Variants in ZEB1 observed in about 807,000 individuals in gnomAD.
The protein encoded by ZEB1 is zinc finger E-box binding homeobox 1.
ZEB1 carries 21 observed loss-of-function variants against 84.9 expected under a neutral mutation model. The observed-to-expected ratio is 0.25, with a 90% CI of 0.18 to 0.36. The LOEUF (loss-of-function observed/expected upper bound fraction) is 0.36. Among genes scored for constraint, ZEB1 ranks in the 10% least tolerant of loss-of-function variants. The probability of loss-of-function intolerance (pLI) is 1.00; values close to 1 mark genes in which losing one functional copy is unlikely to be tolerated. For synonymous variants in ZEB1, 420 were observed against 471.1 expected, an observed-to-expected ratio of 0.89 and a Z score of 1.41; for missense variants, 1,104 against 1,330.2, an observed-to-expected ratio of 0.83 and a Z score of 2.65.
intron 1 of ZEB1, among the ~76,000 whole-genome samples, chr10:31,362,302 C>T (rs1432657681): frequency 6.6e-5 from 10 of 151,150 alleles, no homozygotes; most frequent in Admixed American, 6.6e-5. Flanking sequence ...TGGGCAGAGG[C>T]GCGCCTCACT....
At chr10:31,380,661 T>C (rs879263477) in intron 1 of ZEB1, among the ~76,000 whole-genome samples, 1 of 152,214 alleles carries the variant, frequency 6.6e-6, no homozygotes, top group Non-Finnish European at 1.5e-5. Flanking sequence ...AGAAGTTTCC[T>C]TCATAAATTA....
rs1419162679 is a variant in ZEB1, at chr10:31,375,398, C to G, written c.58+56106C>G. Among the ~76,000 whole-genome samples the G allele has an allele frequency of 2.0e-5, 3 of 151,870 alleles. No homozygotes were observed. In the East Asian group the frequency reaches 5.8e-4, roughly 29 times the overall value. On this transcript the variant is annotated intron_variant, in intron 1 of 8. Transcript: ENST00000424869. ...GTACATGATATTCATTTTTCTTTGA[C>G]AGCTCTTTTTGGTTCTGTTTAGTTG...
chr10:31,428,424 G>A (rs1230837502), intron 1 of ZEB1, among the ~76,000 whole-genome samples: 1 of 152,200 alleles, frequency 6.6e-6, no homozygotes, highest in Admixed American at 6.5e-5. Context: ...TGGTCCAAGA[G>A]ACTGTTAAGA....
At position 31,527,397 on chromosome 10, in the gene ZEB1, A is replaced by T; in HGVS notation, c.*133A>T. 1 of 966,196 alleles carries T rather than the reference A, an allele frequency of 1.0e-6. No individual in the cohort carries two copies. The highest frequency in any genetic ancestry group is 3.2e-4 in the Middle Eastern group (1 of 3,134). 59.9% of individuals were successfully genotyped at this position (966,196 alleles called of 1,614,324 possible). ...CTACTGTGTAAAGTAAAAACTAAAAAAATACAAAATACAAAACACACACAC... is the reference window on the plus strand; with the variant it reads ...CTACTGTGTAAAGTAAAAACTAAAATAATACAAAATACAAAACACACACAC... On this transcript the variant is annotated 3_prime_UTR_variant, in exon 9 of 9. Coordinates refer to ENST00000424869, the MANE Select transcript of ZEB1 (RefSeq NM_001174096.2).
intron 1 of ZEB1, among the ~76,000 whole-genome samples, chr10:31,409,578 T>G (rs1252780003): frequency 6.6e-6 from 1 of 151,990 alleles, no homozygotes; most frequent in East Asian, 1.9e-4. Context: ...GGGGATAACA[T>G]TCAATTTGTA....
At chr10:31,416,170 C>G (rs913904104) in intron 1 of ZEB1, among the ~76,000 whole-genome samples, 2 of 151,894 alleles carry the variant, frequency 1.3e-5, no homozygotes, top group African/African-American at 2.4e-5. Context: ...CATATAGTTA[C>G]AAAGACTATC....
chr10:31,417,782 TA>T (rs2055469163), intron 1 of ZEB1, among the ~76,000 whole-genome samples: 1 of 151,960 alleles, frequency 6.6e-6, no homozygotes, highest in Non-Finnish European at 1.5e-5. Flanking sequence ...TAGGGTTTCA[TA>T]AAGTGCTTGA....
chr10:31,466,110 G>A (rs1412662690), intron 2 of ZEB1, among the ~76,000 whole-genome samples: 1 of 152,080 alleles, frequency 6.6e-6, no homozygotes, highest in Admixed American at 6.5e-5. Flanking sequence ...CACCAATTTT[G>A]GAGCACATAA....
At chr10:31,490,034 A>G (rs899621741) in intron 2 of ZEB1, among the ~76,000 whole-genome samples, 3 of 151,654 alleles carry the variant, frequency 2.0e-5, no homozygotes, top group Admixed American at 6.6e-5. Context: ...TATGGAATCT[A>G]TGATTTCTGA....
intron 1 of ZEB1, among the ~76,000 whole-genome samples, chr10:31,329,663 T>C (rs182409347): frequency 2.1e-4 from 32 of 152,282 alleles, no homozygotes; most frequent in Admixed American, 7.2e-4. Context: ...CATTTTTACA[T>C]TTCCACCAGC....
At chr10:31,454,042 A>G (rs1200271148) in intron 1 of ZEB1, among the ~76,000 whole-genome samples, 3 of 152,212 alleles carry the variant, frequency 2.0e-5, no homozygotes, top group Admixed American at 1.3e-4. Context: ...CTAGCAGGAC[A>G]TCAAAAAGCT....
At chr10:31,441,497 G>T (rs917550852) in intron 1 of ZEB1, among the ~76,000 whole-genome samples, 1 of 152,158 alleles carries the variant, frequency 6.6e-6, no homozygotes, top group Non-Finnish European at 1.5e-5. Flanking sequence ...ATAGGCACGG[G>T]CAAGGACTTC....
chr10:31,388,517 G>GA (rs940024017), intron 1 of ZEB1, among the ~76,000 whole-genome samples: 1 of 152,002 alleles, frequency 6.6e-6, no homozygotes, highest in African/African-American at 2.4e-5. Flanking sequence ...TTAGAATGAG[G>GA]AAAAAATACA....
intron 1 of ZEB1, among the ~76,000 whole-genome samples, chr10:31,334,873 G>T (rs1299696288): frequency 6.6e-6 from 1 of 151,912 alleles, no homozygotes; most frequent in African/African-American, 2.4e-5. Flanking sequence ...AAACAAAAAG[G>T]AAAAATATTC....
At chr10:31,336,131 T>C (rs906483260) in intron 1 of ZEB1, among the ~76,000 whole-genome samples, 5 of 152,170 alleles carry the variant, frequency 3.3e-5, no homozygotes, top group Non-Finnish European at 4.4e-5. Flanking sequence ...GTGCCATTTC[T>C]CCCCAATTTT....
chr10:31,319,310 C>G lies in ZEB1; in HGVS notation c.58+18C>G, dbSNP rs747911799. On this transcript the variant is annotated intron_variant, in intron 1 of 8. Transcript: ENST00000424869. ...CAATAACGGTGAGTGGCGGAGGGGA[C>G]CGGGGAGCGGCGGAGTCAGGGGGAG... The G allele has an allele frequency of 6.2e-7, 1 of 1,603,170 alleles. No homozygotes were observed. The highest frequency in any genetic ancestry group is 2.3e-5 in the East Asian group (1 of 44,396).
intron 4 of ZEB1, 113 bp from the exon 5 acceptor site, chr10:31,510,560 C>A: frequency 1.2e-6 from 1 of 819,452 alleles, no homozygotes. Flanking sequence ...TTTTGAGGAT[C>A]AAATATAAAG....
chr10:31,378,959 G>T (rs1230886275), intron 1 of ZEB1, among the ~76,000 whole-genome samples: 1 of 151,942 alleles, frequency 6.6e-6, no homozygotes, highest in East Asian at 1.9e-4. Flanking sequence ...TAAGAGGAGC[G>T]TATAAATCTC....
intron 1 of ZEB1, among the ~76,000 whole-genome samples, chr10:31,325,624 T>G: frequency 6.6e-6 from 1 of 152,102 alleles, no homozygotes; most frequent in Non-Finnish European, 1.5e-5. Flanking sequence ...TCATAACAGA[T>G]GTTTTGTGAT....
Sources: gnomAD v4.1 joint callset for allele counts (sites outside exome capture counted in the v4.1 genomes callset) on GRCh38, gnomAD v4.1.1 for gene constraint, MANE v1.5 for transcripts, NCBI Gene and HGNC (gene_info 2026-07-23, HGNC 2026-07-21) for gene names.